The following CDH23 variants were observed in gnomAD, a reference collection of about 807,000 sequenced individuals.
CDH23 encodes the protein cadherin-23.
CDH23 carries 189 observed loss-of-function variants against 317.1 expected under a neutral mutation model. The ratio of observed to expected loss-of-function variants is 0.60; its 90% CI spans 0.53 to 0.67. The LOEUF (loss-of-function observed/expected upper bound fraction) is 0.67, where lower values mean the gene tolerates loss of function less well. CDH23 is among the 30% of genes least tolerant of loss of function. The pLI, the probability that CDH23 is intolerant of heterozygous loss-of-function variation, is 0.00. For synonymous variants in CDH23, 1,839 were observed against 1,876.8 expected, an observed-to-expected ratio of 0.98 and a Z score of 0.52; for missense variants, 4,401 against 4,592.4, an observed-to-expected ratio of 0.96 and a Z score of 1.20.
chr10:71,484,893 A>G (rs1183725997), intron 3 of CDH23, among the ~76,000 whole-genome samples: 1 of 152,028 alleles, frequency 6.6e-6, no homozygotes. Flanking sequence ...AGCAACTTAC[A>G]TACAAGTTCA....
chr10:71,651,955 GC>G (rs989781702), intron 14 of CDH23, among the ~76,000 whole-genome samples: 8 of 152,190 alleles, frequency 5.3e-5, no homozygotes, highest in Non-Finnish European at 1.2e-4. Flanking sequence ...AAGGGTGGCA[GC>G]CCCCCTGGCG....
At chr10:71,485,936 A>T (rs1318407892) in intron 3 of CDH23, among the ~76,000 whole-genome samples, 1 of 152,228 alleles carries the variant, frequency 6.6e-6, no homozygotes, top group Non-Finnish European at 1.5e-5. Flanking sequence ...TTCCTGGGGG[A>T]CTAATTTTAT....
intron 22 of CDH23, 127 bp from the exon 23 acceptor site, chr10:71,701,895 A>T: frequency 1.0e-6 from 1 of 989,104 alleles, no homozygotes; most frequent in Non-Finnish European, 1.5e-6. Context: ...GGGGATGCCC[A>T]CTTCCTGGGC....
At chr10:71,541,942 T>G (rs1006498975) in intron 6 of CDH23, among the ~76,000 whole-genome samples, 3 of 152,362 alleles carry the variant, frequency 2.0e-5, no homozygotes, top group African/African-American at 7.2e-5. Flanking sequence ...AAAATCATTC[T>G]TTGCTGGTGG....
intron 42 of CDH23, 140 bp downstream of exon 42, chr10:71,784,560 C>G (rs12413764): frequency 8.8e-7 from 1 of 1,132,750 alleles, no homozygotes. Flanking sequence ...CCCTGGGGCC[C>G]TTAATAGACC....
chr10:71,430,313 C>G (rs1023895470), intron 1 of CDH23, among the ~76,000 whole-genome samples: 2 of 151,796 alleles, frequency 1.3e-5, no homozygotes, highest in Non-Finnish European at 2.9e-5. Flanking sequence ...AAAGTGAGAG[C>G]CCAGTGATGG....
chr10:71,713,536 A>G, intron 28 of CDH23: 1 of 504,440 alleles, frequency 2.0e-6, no homozygotes, highest in Non-Finnish European at 3.6e-6. Flanking sequence ...CTGCATCGGG[A>G]CCAGGAGGCG....
chr10:71,412,347 T>C (rs552824032), intron 1 of CDH23, among the ~76,000 whole-genome samples: 3 of 152,362 alleles, frequency 2.0e-5, no homozygotes, highest in Middle Eastern at 3.4e-3. Context: ...CTGGATAATA[T>C]GGTAATTTTA....
intron 3 of CDH23, among the ~76,000 whole-genome samples, chr10:71,504,206 C>G (rs1278185979): frequency 6.6e-6 from 1 of 152,142 alleles, no homozygotes; most frequent in Non-Finnish European, 1.5e-5. Context: ...TAATAGTTCT[C>G]CATTCTGCCC....
intron 1 of CDH23, among the ~76,000 whole-genome samples, chr10:71,435,428 TC>T (rs1181156723): frequency 6.6e-6 from 1 of 152,244 alleles, no homozygotes; most frequent in African/African-American, 2.4e-5. Context: ...CCCTATGTCC[TC>T]CCACTGTGCC....
rs1299951164 is a variant in CDH23, at chr10:71,751,630, T to C, written c.4845+9709T>C. The C allele has an allele frequency of 1.3e-6, 2 of 1,505,224 alleles. No homozygotes were observed. Among genetic ancestry groups the C allele is most frequent in the Non-Finnish European group, 1.8e-6 (2 of 1,124,770 alleles). The allele number at this position is 1,505,224 out of a possible 1,614,324, so 93.2% of individuals were successfully genotyped here. A position where few individuals can be genotyped will look rare whatever the true frequency, so the allele number is the denominator to read the frequency against. On this transcript the variant is annotated intron_variant, in intron 38 of 69. Coordinates refer to ENST00000224721, the MANE Select transcript of CDH23 (RefSeq NM_022124.6). The surrounding 1 kb of genome is among the most constrained non-coding windows in gnomAD (Gnocchi z 4.9). ...CCTGCAGGCCATGAGGTCATGACCTTACAGGTCATCGTGCTGTGAAGGTCA... is the reference window on the plus strand; with the variant it reads ...CCTGCAGGCCATGAGGTCATGACCTCACAGGTCATCGTGCTGTGAAGGTCA...
At chr10:71,637,627 GC>G in intron 11 of CDH23, among the ~76,000 whole-genome samples, 1 of 152,288 alleles carries the variant, frequency 6.6e-6, no homozygotes, top group Middle Eastern at 3.4e-3. Flanking sequence ...TACCCTGGAA[GC>G]TCAGGTCATG....
At chr10:71,654,460 C>A (rs1863326128) in intron 14 of CDH23, among the ~76,000 whole-genome samples, 1 of 152,228 alleles carries the variant, frequency 6.6e-6, no homozygotes, top group Non-Finnish European at 1.5e-5. Context: ...GTTCTTATTG[C>A]CGCATAAGAA....
At chr10:71,439,705 T>C in intron 1 of CDH23, 122 bp from the exon 2 acceptor site, 2 of 686,600 alleles carry the variant, frequency 2.9e-6, no homozygotes, top group Non-Finnish European at 2.5e-6. Flanking sequence ...TCTGGGTTGA[T>C]TCCTTCTCCT....
chr10:71,576,759 G>C (rs2132396448), intron 8 of CDH23, among the ~76,000 whole-genome samples: 1 of 152,294 alleles, frequency 6.6e-6, no homozygotes, highest in Admixed American at 6.5e-5. Flanking sequence ...CCAAGTAAAG[G>C]CTGCCCCAGG....
intron 29 of CDH23, among the ~76,000 whole-genome samples, chr10:71,725,033 G>T (rs1866742704): frequency 6.6e-6 from 1 of 152,170 alleles, no homozygotes; most frequent in African/African-American, 2.4e-5. Flanking sequence ...TATTAAAAAG[G>T]CCTCACACTA....
intron 9 of CDH23, among the ~76,000 whole-genome samples, chr10:71,606,781 T>C (rs1860550300): frequency 6.6e-6 from 1 of 152,100 alleles, no homozygotes. Context: ...GGGAGGAATC[T>C]GAGGAGTGAC....
At chr10:71,790,872 C>T (rs1355370601) in intron 46 of CDH23, 1 of 556,912 alleles carries the variant, frequency 1.8e-6, no homozygotes, top group East Asian at 3.0e-5. Flanking sequence ...CCCTGGGTCA[C>T]TCTTCCCAGG....
rs144170409 is a variant in CDH23, at chr10:71,684,485, G to C, written c.1986+1913G>C. ...GAGGGGTGTGGCTGTGGAAAGAGGG[G>C]TGTGGCTGTGGAGGCACATGGGTTT... On this transcript the variant is annotated intron_variant, in intron 18 of 69. Transcript: ENST00000224721. Among the ~76,000 whole-genome samples the C allele has an allele frequency of 9.5e-3, 1,453 of 152,336 alleles. 14 individuals carry two copies. Among genetic ancestry groups the C allele is most frequent in the Non-Finnish European group, 0.016 (1,116 of 68,018 alleles).
Sources: allele counts gnomAD v4.1 joint callset (sites outside exome capture counted in the v4.1 genomes callset), GRCh38; gene constraint gnomAD v4.1.1; non-coding constraint Gnocchi (gnomAD v3.1); transcripts MANE v1.5; gene names NCBI Gene and HGNC (gene_info 2026-07-23, HGNC 2026-07-21).